GALC: variants seen among roughly 807,000 people sequenced by gnomAD.
GALC encodes the protein galactosylceramidase.
Under a neutral mutation model 91.8 loss-of-function variants are expected in GALC, and 77 were observed. The ratio of observed to expected loss-of-function variants is 0.84; its 90% CI spans 0.70 to 1.01. GALC has a LOEUF of 1.01. GALC is among the 50% of genes least tolerant of loss of function. The probability of loss-of-function intolerance (pLI) is 0.00; values close to 1 mark genes in which losing one functional copy is unlikely to be tolerated. For synonymous variants in GALC, 357 were observed against 306.7 expected, an observed-to-expected ratio of 1.16 and a Z score of -1.71; for missense variants, 882 against 855.9, an observed-to-expected ratio of 1.03 and a Z score of -0.38.
intron 5 of GALC, 42 bp from the exon 6 acceptor site, chr14:87,982,285 A>G (rs201009763): frequency 5.7e-5 from 75 of 1,305,474 alleles, no homozygotes; most frequent in Admixed American, 3.4e-5. Context: ...TGAAAGTTAC[A>G]AAATGTCAGA....
chr14:87,949,025 T>C (rs1885195819), intron 12 of GALC, among the ~76,000 whole-genome samples: 1 of 152,018 alleles, frequency 6.6e-6, no homozygotes, highest in South Asian at 2.1e-4. Context: ...GGCTCAGTCT[T>C]CAAGGTGTCC....
intron 10 of GALC, among the ~76,000 whole-genome samples, chr14:87,951,505 T>C (rs1484817970): frequency 2.0e-5 from 3 of 151,900 alleles, no homozygotes; most frequent in Non-Finnish European, 4.4e-5. Context: ...ATGCCATCTA[T>C]AAATGCCTCC....
intron 10 of GALC, chr14:87,952,391 G>C (rs1411062768): frequency 5.3e-6 from 2 of 375,792 alleles, no homozygotes; most frequent in East Asian, 1.0e-4. Context: ...AGCATAGAGA[G>C]GTTTAAGACT....
chr14:87,946,295 G>A (rs1184535334), intron 13 of GALC, among the ~76,000 whole-genome samples: 1 of 152,006 alleles, frequency 6.6e-6, no homozygotes, highest in Non-Finnish European at 1.5e-5. Flanking sequence ...CTTCTAAACT[G>A]CAGCAAAAAC....
chr14:87,976,678 G>GCA, intron 6 of GALC, 190 bp from the exon 7 acceptor site: 4 of 515,678 alleles, frequency 7.8e-6, no homozygotes, highest in Non-Finnish European at 1.4e-5. Context: ...GCAGTGGCAG[G>GCA]ATCTCAGCTC....
chr14:87,983,988 A>G (rs1002468341), intron 5 of GALC, among the ~76,000 whole-genome samples: 2 of 152,180 alleles, frequency 1.3e-5, no homozygotes, highest in Admixed American at 1.3e-4. Context: ...CTGGCCCTTT[A>G]ATAAAAAGTT....
At chr14:87,970,938 T>C (rs1440645771) in intron 7 of GALC, among the ~76,000 whole-genome samples, 2 of 151,514 alleles carry the variant, frequency 1.3e-5, no homozygotes, top group African/African-American at 4.8e-5. Flanking sequence ...AAACATTCTC[T>C]ATCACTTCAC....
In GALC at chr14:87,982,216, T is replaced by G. The variant is rs372406289; in HGVS notation, c.610A>C (p.Asn204His). 20 of 1,568,358 alleles carry G rather than the reference T, an allele frequency of 1.3e-5. No individual in the cohort carries two copies. ...GIWNERSYNANYIKILRKMLN... is the reference protein window; with the variant it reads ...GIWNERSYNAHYIKILRKMLN... ...AAAGTTGTACACACCTTAATATAAT[T>G]GGCATTATATGACCTCTCATTCCAA... Residue 204 changes from asparagine to histidine, a missense_variant, in exon 6 of 17, where the codon AAT becomes CAT. Physicochemically the swap from Asn to His is moderately conservative, Grantham distance 68. Transcript: ENST00000261304.
At chr14:87,945,390 T>G (rs1331418360) in intron 14 of GALC, among the ~76,000 whole-genome samples, 163 bp downstream of exon 14, 1 of 152,032 alleles carries the variant, frequency 6.6e-6, no homozygotes, top group East Asian at 1.9e-4. Context: ...ATTTGCAGCT[T>G]TGTGGTCATC....
intron 10 of GALC, among the ~76,000 whole-genome samples, chr14:87,958,934 C>A (rs1885678010): frequency 6.6e-6 from 1 of 151,880 alleles, no homozygotes; most frequent in Non-Finnish European, 1.5e-5. Flanking sequence ...ATGAGCTGGG[C>A]AAGAATTTTT....
intron 8 of GALC, 111 bp downstream of exon 8, chr14:87,968,224 G>T: frequency 2.2e-6 from 2 of 896,886 alleles, no homozygotes; most frequent in Non-Finnish European, 3.4e-6. Flanking sequence ...AAGGCAAAAT[G>T]TTTACAATCA....
At chr14:87,970,434 T>C (rs1210192575) in intron 7 of GALC, among the ~76,000 whole-genome samples, 1 of 152,100 alleles carries the variant, frequency 6.6e-6, no homozygotes, top group Non-Finnish European at 1.5e-5. Context: ...GTTATAGGAA[T>C]AGGTGATATA....
chr14:87,965,980 C>A (rs1435297411), intron 8 of GALC, among the ~76,000 whole-genome samples: 1 of 152,140 alleles, frequency 6.6e-6, no homozygotes, highest in Non-Finnish European at 1.5e-5. Flanking sequence ...TTTGTGCATA[C>A]CTACTTTCCT....
At chr14:87,993,260 G>C, upstream of GALC, 1 of 1,539,442 alleles carries the variant, frequency 6.5e-7, no homozygotes, top group Non-Finnish European at 8.7e-7. Context: ...CGCCGCCGCC[G>C]CCATTTTGAG....
intron 8 of GALC, 37 bp from the exon 9 acceptor site, chr14:87,965,666 T>C (rs746468765): frequency 2.5e-6 from 4 of 1,610,232 alleles, no homozygotes; most frequent in Non-Finnish European, 8.5e-7. Flanking sequence ...CCAAGACAAC[T>C]TGTGATAAAA....
intron 6 of GALC, among the ~76,000 whole-genome samples, chr14:87,980,030 T>C (rs1275917369): frequency 6.6e-6 from 1 of 152,168 alleles, no homozygotes; most frequent in African/African-American, 2.4e-5. Flanking sequence ...TAGCTCTGGC[T>C]GCAATAGATC....
rs1340819768 is a variant in GALC at position 87,936,915 on chromosome 14, TA to T, written c.1912-2038del. On this transcript the variant is annotated intron_variant, in intron 16 of 16. Coordinates refer to ENST00000261304, the MANE Select transcript of GALC (RefSeq NM_000153.4). ...CAGGTACTATATATATATATATATT[TA>T]TTTATTTTCTCATTGAATCTTCATA... Among the ~76,000 whole-genome samples, 56 of 138,990 alleles carry T rather than the reference TA, an allele frequency of 4.0e-4. 1 individual carries two copies. Among genetic ancestry groups the T allele is most frequent in the African/African-American group, 1.4e-3 (52 of 35,940 alleles). The allele number at this position is 138,990 out of a possible 152,430, so 91.2% of individuals were successfully genotyped here. A position where few individuals can be genotyped will look rare whatever the true frequency, so the allele number is the denominator to read the frequency against.
chr14:87,977,811 CTTTTCAACAGACAGTTTCTTAAAATAGA>C, intron 6 of GALC, among the ~76,000 whole-genome samples: 1 of 152,272 alleles, frequency 6.6e-6, no homozygotes, highest in South Asian at 2.1e-4. Context: ...CCATGGTATA[CTTTTCAACAGACAGTTTCTTAAAATAGA>C]TATATTATAG....
intron 14 of GALC, among the ~76,000 whole-genome samples, chr14:87,944,031 G>A (rs1240219703): frequency 3.3e-5 from 5 of 151,808 alleles, no homozygotes; most frequent in African/African-American, 7.3e-5. Context: ...GCAACTTCCC[G>A]GTTCCTTTCC....
Sources: allele counts gnomAD v4.1 joint callset (sites outside exome capture counted in the v4.1 genomes callset), GRCh38; gene constraint gnomAD v4.1.1; transcripts MANE v1.5; gene names NCBI Gene and HGNC (gene_info 2026-07-23, HGNC 2026-07-21).